The following CNTNAP5 variants were observed in gnomAD, a reference collection of about 807,000 sequenced individuals.
CNTNAP5 encodes the protein contactin associated protein family member 5, also known as contactin-associated protein-like 5.
CNTNAP5 carries 72 observed loss-of-function variants against 150.2 expected under a neutral mutation model. The observed-to-expected ratio is 0.48, with a 90% confidence interval of 0.40 to 0.58. The LOEUF is 0.58. Ranked by LOEUF, CNTNAP5 falls within the 20% of genes least tolerant of loss-of-function variation. CNTNAP5 has a pLI of 0.00. For missense variants in CNTNAP5, 1,636 were observed against 1,626.2 expected (o/e 1.01, Z -0.10); for synonymous variants, 672 against 619.8 (o/e 1.08, Z -1.25).
At chr2:124,673,674 AT>A (rs1678868549) in intron 13 of CNTNAP5, among the ~76,000 whole-genome samples, 1 of 151,942 alleles carries the variant, frequency 6.6e-6, no homozygotes. Context: ...GCATTACGTA[AT>A]TTAATAATCA....
intron 7 of CNTNAP5, among the ~76,000 whole-genome samples, chr2:124,487,318 G>T (rs370706158): frequency 6.6e-6 from 1 of 152,024 alleles, no homozygotes; most frequent in Non-Finnish European, 1.5e-5. Context: ...GATTGACTAG[G>T]TCTTCAAGAA....
chr2:124,748,788 C>T (rs1049947824), intron 14 of CNTNAP5, among the ~76,000 whole-genome samples: 1 of 152,148 alleles, frequency 6.6e-6, no homozygotes, highest in Non-Finnish European at 1.5e-5. Flanking sequence ...GGCACCAGGG[C>T]AGGTTACCCG....
At chr2:124,355,695 G>C (rs912995225) in intron 3 of CNTNAP5, among the ~76,000 whole-genome samples, 12 of 152,116 alleles carry the variant, frequency 7.9e-5, no homozygotes, top group Middle Eastern at 3.2e-3. Context: ...CAGGCAAAAA[G>C]CCTGCAACAT....
At chr2:124,357,424 G>C (rs1250224698) in intron 3 of CNTNAP5, among the ~76,000 whole-genome samples, 2 of 151,840 alleles carry the variant, frequency 1.3e-5, no homozygotes, top group Non-Finnish European at 2.9e-5. Context: ...TTCTTCTAGG[G>C]TTTTTATGGT....
chr2:124,533,309 C>T (rs1431012220), intron 10 of CNTNAP5, among the ~76,000 whole-genome samples: 1 of 152,076 alleles, frequency 6.6e-6, no homozygotes, highest in Non-Finnish European at 1.5e-5. Context: ...ATCTTATAGG[C>T]AAATTGGAGC....
chr2:124,358,645 G>A (rs1690097832), intron 3 of CNTNAP5, among the ~76,000 whole-genome samples: 1 of 152,126 alleles, frequency 6.6e-6, no homozygotes, highest in South Asian at 2.1e-4. Context: ...TGCATCCCAG[G>A]GATGAAGCCC....
intron 19 of CNTNAP5, among the ~76,000 whole-genome samples, chr2:124,858,150 T>A (rs550342835): frequency 1.3e-5 from 2 of 152,246 alleles, no homozygotes; most frequent in East Asian, 1.9e-4. Flanking sequence ...GGCACAAGAC[T>A]GGGATGCCCT....
intron 5 of CNTNAP5, among the ~76,000 whole-genome samples, chr2:124,439,188 A>G (rs1692614586): frequency 6.6e-6 from 1 of 152,162 alleles, no homozygotes; most frequent in Non-Finnish European, 1.5e-5. Context: ...TTTATTATGG[A>G]GAGGGGAGAA....
At chr2:124,239,686 T>G (rs1558814918) in intron 2 of CNTNAP5, among the ~76,000 whole-genome samples, 1 of 133,228 alleles carries the variant, frequency 7.5e-6, no homozygotes, top group East Asian at 2.6e-4. Context: ...GGGGACCATT[T>G]CAACAACATT....
intron 19 of CNTNAP5, among the ~76,000 whole-genome samples, chr2:124,802,606 G>C (rs947697179): frequency 6.6e-6 from 1 of 152,168 alleles, no homozygotes; most frequent in African/African-American, 2.4e-5. Context: ...AAAGGGTCTT[G>C]AAGACAGGAA....
At chr2:124,330,189 A>G (rs1689315283) in intron 3 of CNTNAP5, among the ~76,000 whole-genome samples, 1 of 152,180 alleles carries the variant, frequency 6.6e-6, no homozygotes, top group Non-Finnish European at 1.5e-5. Context: ...AGGGGCTTCT[A>G]TAGCTTTATA....
At chr2:124,619,295 A>G (rs755881102) in intron 12 of CNTNAP5, among the ~76,000 whole-genome samples, 9 of 152,126 alleles carry the variant, frequency 5.9e-5, no homozygotes, top group Non-Finnish European at 1.0e-4. Context: ...ACCTTGCAGG[A>G]TGGGTGAGAT....
chr2:124,600,538 C>T (rs1271290823), intron 11 of CNTNAP5, among the ~76,000 whole-genome samples: 1 of 152,140 alleles, frequency 6.6e-6, no homozygotes, highest in African/African-American at 2.4e-5. Flanking sequence ...TATGCTCTTG[C>T]ACCTGCCGCA....
intron 19 of CNTNAP5, among the ~76,000 whole-genome samples, chr2:124,819,985 T>C (rs1452071039): frequency 6.6e-6 from 1 of 152,124 alleles, no homozygotes; most frequent in Non-Finnish European, 1.5e-5. Context: ...AACTTAAGGC[T>C]CTAGAGCCAC....
chr2:124,124,943 G>A (rs1404520031), intron 1 of CNTNAP5, among the ~76,000 whole-genome samples: 1 of 152,108 alleles, frequency 6.6e-6, no homozygotes, highest in Non-Finnish European at 1.5e-5. Flanking sequence ...CAACCAGTAT[G>A]AGCCACTGCA....
intron 1 of CNTNAP5, among the ~76,000 whole-genome samples, chr2:124,057,866 G>A (rs904249531): frequency 5.3e-5 from 8 of 151,756 alleles, no homozygotes; most frequent in Admixed American, 1.3e-4. Context: ...TTGAGGGGGC[G>A]GATACCCCAT....
intron 2 of CNTNAP5, among the ~76,000 whole-genome samples, chr2:124,235,964 T>C (rs1289966921): frequency 2.9e-5 from 4 of 138,386 alleles, no homozygotes; most frequent in African/African-American, 9.9e-5. Context: ...TATTTATTTA[T>C]TTATTTATTT....
intron 19 of CNTNAP5, among the ~76,000 whole-genome samples, chr2:124,806,918 T>TA: frequency 6.6e-6 from 1 of 150,754 alleles, no homozygotes; most frequent in Middle Eastern, 3.4e-3. Flanking sequence ...TATTTTACTT[T>TA]TTTTTTTTTT....
At chr2:124,849,109 T>A (rs60841831) in intron 19 of CNTNAP5, among the ~76,000 whole-genome samples, 4,770 of 152,130 alleles carry the variant, frequency 0.031, 246 homozygotes, top group African/African-American at 0.11. Context: ...CTTCTAGGAG[T>A]TTTATGGTTT....
Sources: gnomAD v4.1 joint callset for allele counts (sites outside exome capture counted in the v4.1 genomes callset) on GRCh38, gnomAD v4.1.1 for gene constraint, MANE v1.5 for transcripts, NCBI Gene and HGNC (gene_info 2026-07-23, HGNC 2026-07-21) for gene names.